Variants in TEX9 observed in about 807,000 individuals in gnomAD.
The protein encoded by TEX9 is testis expressed 9.
Under a neutral mutation model 59.6 loss-of-function variants are expected in TEX9, and 74 were observed. That is an observed-to-expected ratio of 1.24 (90% CI 1.03 to 1.51). The LOEUF (loss-of-function observed/expected upper bound fraction) is 1.51. TEX9 is among the 40% of genes most tolerant of loss of function. TEX9 has a pLI of 0.00. For synonymous variants in TEX9, 186 were observed against 152.2 expected, an observed-to-expected ratio of 1.22 and a Z score of -1.64; for missense variants, 522 against 447.8, an observed-to-expected ratio of 1.17 and a Z score of -1.49.
At chr15:56,323,648 G>A (rs1223707262) in intron 1 of TEX9, 1 of 157,042 alleles carries the variant, frequency 6.4e-6, no homozygotes, top group African/African-American at 2.4e-5. Context: ...AAAGGAGGAA[G>A]AGGAACAAGA....
At chr15:56,459,743 CACTTTGGGAGGCCGAAGAGG>C in the TEX9 span, among the ~76,000 whole-genome samples, 20 of 151,574 alleles carry the variant, frequency 1.3e-4, no homozygotes, top group East Asian at 3.1e-3. Context: ...ACTTTGGGAG[CACTTTGGGAGGCCGAAGAGG>C]ACAGATCATC....
chr15:56,373,626 T>C (rs1231216463), intron 3 of TEX9, 122 bp downstream of exon 3: 7 of 737,372 alleles, frequency 9.5e-6, no homozygotes, highest in East Asian at 3.5e-5. Flanking sequence ...CAATGAATTA[T>C]TACAAATTGA....
At chr15:56,379,084 AGAAAG>A (rs2047600598) in intron 3 of TEX9, among the ~76,000 whole-genome samples, 1 of 53,642 alleles carries the variant, frequency 1.9e-5, no homozygotes, top group African/African-American at 6.3e-5. Flanking sequence ...AAAAAAAAAA[AGAAAG>A]AAAGAAAAAA....
chr15:56,346,725 C>G (rs2046478107), intron 1 of TEX9, among the ~76,000 whole-genome samples: 1 of 151,796 alleles, frequency 6.6e-6, no homozygotes, highest in African/African-American at 2.4e-5. Context: ...TGTGGAAAGT[C>G]TAGACAGCAC....
chr15:56,302,562 A>G (rs2045387467), intron 1 of TEX9, among the ~76,000 whole-genome samples: 1 of 152,076 alleles, frequency 6.6e-6, no homozygotes, highest in Non-Finnish European at 1.5e-5. Context: ...AAGATACACA[A>G]AAAGTAAAAA....
intron 3 of TEX9, among the ~76,000 whole-genome samples, chr15:56,380,247 C>A (rs1253361612): frequency 6.6e-6 from 1 of 152,086 alleles, no homozygotes; most frequent in Non-Finnish European, 1.5e-5. Flanking sequence ...TTGTTTAAAG[C>A]TGATGACAAC....
intron 1 of TEX9, among the ~76,000 whole-genome samples, chr15:56,314,089 T>C (rs2045695342): frequency 4.3e-5 from 1 of 23,240 alleles, no homozygotes; most frequent in Non-Finnish European, 1.7e-4. Context: ...GTTGATCCTT[T>C]CAAAAAACCA....
upstream of TEX9, among the ~76,000 whole-genome samples, chr15:56,360,436 T>C (rs1315906132): frequency 1.3e-5 from 2 of 152,154 alleles, no homozygotes; most frequent in African/African-American, 4.8e-5. Flanking sequence ...TGAGTTTTGG[T>C]AGTTTGTATC....
At position 56,376,834 on chromosome 15, in the gene TEX9, T is replaced by C. The variant is rs537566072; in HGVS notation, c.183+3330T>C. On this transcript the variant is annotated intron_variant, in intron 3 of 12. Transcript: ENST00000352903. ...CTCAAGAAATCTTTGTCTACTCCAATGTCCTGGAGAGTTTCCCCAATGTTT... is the reference window on the plus strand; with the variant it reads ...CTCAAGAAATCTTTGTCTACTCCAACGTCCTGGAGAGTTTCCCCAATGTTT... Among the ~76,000 whole-genome samples the C allele has an allele frequency of 2.4e-4, 36 of 152,322 alleles. No individual in the cohort carries two copies. The East Asian group carries it at 6.9e-3, about 29-fold the overall frequency.
At chr15:56,435,251 C>T (rs1226155752) in intron 12 of TEX9, among the ~76,000 whole-genome samples, 1 of 151,670 alleles carries the variant, frequency 6.6e-6, no homozygotes, top group Admixed American at 6.6e-5. Context: ...AATCTAAGCC[C>T]CCACTTCAAG....
intron 12 of TEX9, among the ~76,000 whole-genome samples, chr15:56,436,643 C>A (rs2050730716): frequency 6.6e-6 from 1 of 152,014 alleles, no homozygotes. Context: ...ACAAAAAACC[C>A]TTCAAAAAAT....
At chr15:56,406,711 C>T (rs765510747) in intron 9 of TEX9, among the ~76,000 whole-genome samples, 8 of 152,080 alleles carry the variant, frequency 5.3e-5, no homozygotes, top group Non-Finnish European at 1.2e-4. Context: ...TATTGAACAT[C>T]TTTTCATGTG....
chr15:56,427,100 A>G (rs139579153), intron 10 of TEX9, among the ~76,000 whole-genome samples: 4 of 152,116 alleles, frequency 2.6e-5, no homozygotes, highest in Admixed American at 6.6e-5. Flanking sequence ...CCTCAGTCCA[A>G]TAAGACTACT....
At chr15:56,431,270 G>T in intron 12 of TEX9, 2 of 1,359,988 alleles carry the variant, frequency 1.5e-6, no homozygotes, top group Non-Finnish European at 2.0e-6. Context: ...CTTCATAACC[G>T]AGCAAGAAGT....
intron 1 of TEX9, among the ~76,000 whole-genome samples, chr15:56,304,707 G>T (rs1215511837): frequency 1.3e-5 from 2 of 152,032 alleles, no homozygotes; most frequent in African/African-American, 4.8e-5. Context: ...AGAGATATGG[G>T]CCTGTAATTT....
chr15:56,433,604 A>C (rs2050658957), intron 12 of TEX9, among the ~76,000 whole-genome samples: 2 of 151,994 alleles, frequency 1.3e-5, no homozygotes, highest in South Asian at 4.2e-4. Flanking sequence ...GGATTATTAT[A>C]ATAACTTACT....
chr15:56,418,120 C>CT (rs1567136703), intron 10 of TEX9, among the ~76,000 whole-genome samples: 1 of 151,808 alleles, frequency 6.6e-6, no homozygotes, highest in African/African-American at 2.4e-5. Context: ...TTGAGTCTTG[C>CT]TTTTTTATCC....
chr15:56,358,244 T>G (rs1192282272), intron 1 of TEX9, among the ~76,000 whole-genome samples: 1 of 152,136 alleles, frequency 6.6e-6, no homozygotes, highest in Non-Finnish European at 1.5e-5. Flanking sequence ...CAGAAGATCT[T>G]GTTTATTTGT....
At chr15:56,403,970 C>T (rs577665668) in intron 9 of TEX9, among the ~76,000 whole-genome samples, 11 of 152,244 alleles carry the variant, frequency 7.2e-5, no homozygotes, top group African/African-American at 1.4e-4. Context: ...ACACGTTATA[C>T]GAAAATTAAT....
Sources: allele counts gnomAD v4.1 joint callset (sites outside exome capture counted in the v4.1 genomes callset), GRCh38; gene constraint gnomAD v4.1.1; transcripts MANE v1.5; gene names NCBI Gene and HGNC (gene_info 2026-07-23, HGNC 2026-07-21).